LARP1B: variants seen among roughly 807,000 people sequenced by gnomAD.
LARP1B encodes the protein la-related protein 1B.
LARP1B carries 76 observed loss-of-function variants against 114.2 expected under a neutral mutation model. The observed-to-expected ratio is 0.67, with a 90% CI of 0.55 to 0.81. The LOEUF is 0.81. Among genes scored for constraint, LARP1B ranks in the 30% least tolerant of loss-of-function variants. The probability of loss-of-function intolerance (pLI) is 0.00; values close to 1 mark genes in which losing one functional copy is unlikely to be tolerated. For synonymous variants in LARP1B, 345 were observed against 348.0 expected (o/e 0.99, Z 0.10); for missense variants, 1,014 against 1,075.8 (o/e 0.94, Z 0.80).
At chr4:128,156,076 A>AC (rs1248044202) in intron 11 of LARP1B, 5 of 1,595,200 alleles carry the variant, frequency 3.1e-6, no homozygotes, top group Non-Finnish European at 4.3e-6. Flanking sequence ...AACTCCTTTC[A>AC]CCCCCAGCCT....
intron 11 of LARP1B, among the ~76,000 whole-genome samples, chr4:128,138,427 A>G (rs180841366): frequency 2.8e-4 from 42 of 152,336 alleles, no homozygotes; most frequent in Admixed American, 2.4e-3. Flanking sequence ...TTCAAACTCT[A>G]TAATAACTTC....
At chr4:128,205,878 A>ACTGT (rs1344213780) in intron 17 of LARP1B, among the ~76,000 whole-genome samples, 28 of 152,336 alleles carry the variant, frequency 1.8e-4, no homozygotes, top group Admixed American at 1.3e-4. Flanking sequence ...GTCATACTGA[A>ACTGT]CTGTCCAAGG....
At chr4:128,066,163 T>TCC (rs1762721741) in intron 1 of LARP1B, among the ~76,000 whole-genome samples, 2 of 106,050 alleles carry the variant, frequency 1.9e-5, no homozygotes, top group South Asian at 3.7e-4. Flanking sequence ...TCTTTCTTTC[T>TCC]TCTTTTTTTT....
chr4:128,121,747 A>G, intron 10 of LARP1B, 79 bp from the exon 11 acceptor site: 1 of 1,007,104 alleles, frequency 9.9e-7, no homozygotes, highest in Non-Finnish European at 1.4e-6. Context: ...GATATTACTT[A>G]CTTGTAACAC....
chr4:128,150,451 CCTGA>C (rs1476297475), intron 11 of LARP1B, among the ~76,000 whole-genome samples: 1 of 151,940 alleles, frequency 6.6e-6, no homozygotes, highest in African/African-American at 2.4e-5. Context: ...TGTTACCACA[CCTGA>C]CTAATTTTTT....
At chr4:128,194,609 G>C (rs1435464356) in intron 15 of LARP1B, among the ~76,000 whole-genome samples, 2 of 149,984 alleles carry the variant, frequency 1.3e-5, no homozygotes, top group East Asian at 4.0e-4. Flanking sequence ...CGTGAACCCG[G>C]GAGGCGGAGC....
intron 11 of LARP1B, chr4:128,155,409 A>G: frequency 1.6e-6 from 1 of 633,176 alleles, no homozygotes; most frequent in Non-Finnish European, 2.8e-6. Context: ...ACTTCAGGGA[A>G]CCCGGCCCGA....
intron 11 of LARP1B, among the ~76,000 whole-genome samples, chr4:128,159,050 C>A (rs1162504332): frequency 6.6e-6 from 1 of 151,258 alleles, no homozygotes; most frequent in African/African-American, 2.4e-5. Context: ...TGGTGGCATG[C>A]ACCTGTAGTG....
chr4:128,154,614 T>C (rs1734533609), intron 11 of LARP1B, among the ~76,000 whole-genome samples: 2 of 152,202 alleles, frequency 1.3e-5, no homozygotes, highest in African/African-American at 4.8e-5. Context: ...AAATTCATTA[T>C]CTTTTAGCTA....
intron 9 of LARP1B, among the ~76,000 whole-genome samples, chr4:128,111,735 C>A (rs1160525956): frequency 6.6e-6 from 1 of 152,094 alleles, no homozygotes; most frequent in Non-Finnish European, 1.5e-5. Context: ...TCTTGTCCCC[C>A]AGGCTGGAGT....
chr4:128,072,281 G>A (rs1053766438), intron 1 of LARP1B, among the ~76,000 whole-genome samples: 4 of 152,242 alleles, frequency 2.6e-5, no homozygotes, highest in East Asian at 1.9e-4. Context: ...GATTATAGGC[G>A]TGAGCCACTG....
chr4:128,155,856 G>A lies in LARP1B; in HGVS notation c.1525-6338G>A, dbSNP rs1201413998. ...AGCGAGAGATCGAGGAGCTGCAGAA[G>A]CAGAAGGAGCGCCTGGAGCTGGTGC... On this transcript the variant is annotated intron_variant, in intron 11 of 19. Coordinates refer to ENST00000326639, the MANE Select transcript of LARP1B (RefSeq NM_018078.4). 3.2e-6 allele frequency: 5 copies of A among 1,566,806 alleles called. No homozygotes were observed. In the African/African-American group the frequency reaches 5.4e-5, roughly 17 times the overall value.
chr4:128,130,262 G>A (rs1019723240), intron 11 of LARP1B, among the ~76,000 whole-genome samples: 3 of 152,000 alleles, frequency 2.0e-5, no homozygotes, highest in Non-Finnish European at 2.9e-5. Context: ...TTGATAGAGG[G>A]CTATTATCCA....
chr4:128,216,633 G>T (rs1322706776), downstream of LARP1B, among the ~76,000 whole-genome samples: 1 of 149,124 alleles, frequency 6.7e-6, no homozygotes, highest in African/African-American at 2.5e-5. Flanking sequence ...TCTCTGGGAC[G>T]CATTCAAAGC....
At chr4:128,191,491 T>G (rs576285254) in intron 15 of LARP1B, among the ~76,000 whole-genome samples, 1 of 152,308 alleles carries the variant, frequency 6.6e-6, no homozygotes, top group East Asian at 1.9e-4. Context: ...GATGGCGCCT[T>G]AAGCCCAAGT....
In LARP1B at chr4:128,091,021, A is replaced by G; in HGVS notation, c.379A>G (p.Lys127Glu). ...DTRSWKRDRE[K>E]RDDQDDVSSV... Reference sequence around the variant, plus strand: ...AAAAGGTTGGAAGCGAGATAGAGAAAAAAGGGATGATCAAGATGACGTTTC... The same window carrying G: ...AAAAGGTTGGAAGCGAGATAGAGAAGAAAGGGATGATCAAGATGACGTTTC... The change falls in exon 6 of 20, where the codon AAA becomes GAA. Residue 127 changes from lysine (K) to glutamate (E), a missense_variant. Coordinates refer to ENST00000326639, the MANE Select transcript of LARP1B (RefSeq NM_018078.4). 1 of 1,611,704 alleles carries G rather than the reference A, an allele frequency of 6.2e-7. No individual in the cohort carries two copies.
At chr4:128,146,398 C>A (rs1015994183) in intron 11 of LARP1B, among the ~76,000 whole-genome samples, 2 of 152,080 alleles carry the variant, frequency 1.3e-5, no homozygotes, top group Admixed American at 1.3e-4. Flanking sequence ...GTATATAGGA[C>A]TTTGTTATAC....
At chr4:128,159,615 C>T (rs570375098) in intron 11 of LARP1B, among the ~76,000 whole-genome samples, 32 of 152,302 alleles carry the variant, frequency 2.1e-4, no homozygotes, top group African/African-American at 7.0e-4. Flanking sequence ...TGTTGCAGTT[C>T]ATGAACCTAC....
chr4:128,188,318 G>C (rs180826615), intron 15 of LARP1B, among the ~76,000 whole-genome samples: 1 of 151,940 alleles, frequency 6.6e-6, no homozygotes, highest in Non-Finnish European at 1.5e-5. Flanking sequence ...CAGGTCATCC[G>C]CCCGCCTTGG....
Sources: allele counts gnomAD v4.1 joint callset (sites outside exome capture counted in the v4.1 genomes callset), GRCh38; gene constraint gnomAD v4.1.1; transcripts MANE v1.5; gene names NCBI Gene and HGNC (gene_info 2026-07-23, HGNC 2026-07-21).